Variants in DOCK2 observed in about 807,000 individuals in gnomAD.
DOCK2 encodes the protein dedicator of cytokinesis 2, also known as dedicator of cytokinesis protein 2.
In DOCK2, 87 loss-of-function variants were observed where a neutral mutation model predicts 248.9. That is an observed-to-expected ratio of 0.35 (90% CI 0.29 to 0.42). The LOEUF (loss-of-function observed/expected upper bound fraction) is 0.42. Ranked by LOEUF, DOCK2 falls within the 10% of genes least tolerant of loss-of-function variation. The probability of loss-of-function intolerance (pLI) is 1.00; values close to 1 mark genes in which losing one functional copy is unlikely to be tolerated. For missense variants in DOCK2, 1,747 were observed against 2,300.2 expected (o/e 0.76, Z 4.92); for synonymous variants, 805 against 821.6 (o/e 0.98, Z 0.35).
At chr5:169,912,750 A>G (rs1774674083) in intron 27 of DOCK2, among the ~76,000 whole-genome samples, 1 of 152,114 alleles carries the variant, frequency 6.6e-6, no homozygotes, top group Non-Finnish European at 1.5e-5. Context: ...AGTTTTTGGT[A>G]AAGAAAGGAG....
At chr5:169,899,684 G>A (rs1773810130) in intron 27 of DOCK2, among the ~76,000 whole-genome samples, 1 of 152,098 alleles carries the variant, frequency 6.6e-6, no homozygotes, top group African/African-American at 2.4e-5. Flanking sequence ...CGTTTTGTTG[G>A]GAGATGGTAT....
chr5:169,649,537 A>G (rs902271374), intron 1 of DOCK2, among the ~76,000 whole-genome samples: 8 of 152,238 alleles, frequency 5.3e-5, no homozygotes, highest in African/African-American at 1.7e-4. Flanking sequence ...TCAACAAGAT[A>G]GGCTCAGTCT....
chr5:169,685,505 G>A (rs1356648430), intron 8 of DOCK2, among the ~76,000 whole-genome samples: 1 of 152,200 alleles, frequency 6.6e-6, no homozygotes, highest in Non-Finnish European at 1.5e-5. Context: ...CTGCAGGCAT[G>A]CGCCACCACG....
At chr5:169,697,726 G>A (rs999257279) in intron 10 of DOCK2, among the ~76,000 whole-genome samples, 36 of 152,232 alleles carry the variant, frequency 2.4e-4, no homozygotes, top group African/African-American at 7.7e-4. Flanking sequence ...AGTGTTTGAC[G>A]TATTTTCTGT....
chr5:169,644,259 T>C (rs1757323233), intron 1 of DOCK2, among the ~76,000 whole-genome samples: 1 of 151,988 alleles, frequency 6.6e-6, no homozygotes, highest in Non-Finnish European at 1.5e-5. Context: ...AACATAGCAG[T>C]TTTATGGTGC....
chr5:169,637,334 C>T lies in DOCK2; in HGVS notation c.8C>T (p.Pro3Leu), dbSNP rs1581352915. The T allele has an allele frequency of 1.4e-6, 2 of 1,425,702 alleles. No homozygotes were observed. Among genetic ancestry groups the T allele is most frequent in the African/African-American group, 1.5e-5 (1 of 67,442 alleles). The allele number at this position is 1,425,702 out of a possible 1,614,324, so 88.3% of individuals were successfully genotyped here. Residue 3 changes from proline (P) to leucine (L), a missense_variant, in exon 1 of 52, where the codon CCC (proline) becomes CTC (leucine). By Grantham distance (98) the Pro-to-Leu change is moderately conservative. Transcript: ENST00000520908. MA[P>L]WRKADKERHG... ...CGAGGCCCCGGCCCAGCCATGGCCC[C>T]CTGGCGCAAAGCTGACAAGGAGCGG...
intron 27 of DOCK2, among the ~76,000 whole-genome samples, chr5:169,977,420 A>G (rs1338098014): frequency 1.3e-5 from 2 of 152,200 alleles, no homozygotes; most frequent in African/African-American, 4.8e-5. Flanking sequence ...ACAAGACAAT[A>G]CTAATAATAG....
At chr5:169,829,287 A>G (rs1242434096) in intron 26 of DOCK2, among the ~76,000 whole-genome samples, 5 of 152,190 alleles carry the variant, frequency 3.3e-5, no homozygotes, top group Non-Finnish European at 5.9e-5. Flanking sequence ...TTGTCTCTCA[A>G]AAAAGCGGCA....
chr5:170,002,681 C>T (rs1225606734), intron 30 of DOCK2, among the ~76,000 whole-genome samples: 1 of 152,078 alleles, frequency 6.6e-6, no homozygotes, highest in Admixed American at 6.6e-5. Context: ...TGGTCTTTTA[C>T]CTTATCTGGA....
Position 169,764,480 on chromosome 5 carries a change from C to A in DOCK2, c.2554+2855C>A, listed in dbSNP as rs1051968331. ...GTGTGACTATGGGTAATTTTCTAAA[C>A]CTCTCTGATTCTCAGTAAGCTCATC... On this transcript the variant is annotated intron_variant, in intron 25 of 51. Transcript: ENST00000520908. This position sits in a 1 kb window ranked among gnomAD's most constrained non-coding sequence, Gnocchi z 4.3. Among the ~76,000 whole-genome samples the A allele has an allele frequency of 6.6e-6, 1 of 152,164 alleles. No individual in the cohort carries two copies. The highest frequency in any genetic ancestry group is 1.5e-5 in the Non-Finnish European group (1 of 68,028).
At chr5:170,013,737 G>A (rs1015447940) in intron 32 of DOCK2, among the ~76,000 whole-genome samples, 1 of 152,118 alleles carries the variant, frequency 6.6e-6, no homozygotes, top group Non-Finnish European at 1.5e-5. Flanking sequence ...CAAAATAAAT[G>A]TGTACTGTTT....
intron 27 of DOCK2, among the ~76,000 whole-genome samples, chr5:169,899,635 C>G (rs1024834457): frequency 6.6e-6 from 1 of 152,068 alleles, no homozygotes; most frequent in African/African-American, 2.4e-5. Flanking sequence ...TGCTTTTGTT[C>G]GATGTTAGTG....
chr5:169,712,181 G>A lies in DOCK2; in HGVS notation c.1617G>A (p.Gly539=), dbSNP rs765110983. The change falls in exon 17 of 52, where the codon GGG becomes GGA. Residue 539 remains glycine (G), a synonymous_variant. Coordinates refer to ENST00000520908, the MANE Select transcript of DOCK2 (RefSeq NM_004946.3). ...ATGTGAAGCTGATGAAAGAAGATGG[G>A]ACTACTCTACACGATGGATTCCATG... ...MSYVKLMKED[G]TTLHDGFHDL... 1 of 1,614,096 alleles carries A rather than the reference G, an allele frequency of 6.2e-7. No homozygotes were observed. Among genetic ancestry groups the A allele is most frequent in the African/African-American group, 1.3e-5 (1 of 75,042 alleles).
chr5:169,817,923 A>AT (rs1237487853), intron 26 of DOCK2, among the ~76,000 whole-genome samples: 1 of 152,198 alleles, frequency 6.6e-6, no homozygotes, highest in African/African-American at 2.4e-5. Flanking sequence ...CACTAATTTT[A>AT]TTTTTTATAC....
At chr5:169,792,105 G>A (rs1474590271) in intron 25 of DOCK2, among the ~76,000 whole-genome samples, 1 of 152,194 alleles carries the variant, frequency 6.6e-6, no homozygotes, top group Non-Finnish European at 1.5e-5. Flanking sequence ...TCTGTATGGT[G>A]TGATGTAAAT....
chr5:170,015,479 G>A (rs112628195), intron 32 of DOCK2, among the ~76,000 whole-genome samples: 185 of 152,318 alleles, frequency 1.2e-3, no homozygotes, highest in African/African-American at 4.2e-3. Context: ...AGCATTGCCA[G>A]GAGGGAGCTT....
chr5:170,039,018 G>C (rs954693923), intron 36 of DOCK2, among the ~76,000 whole-genome samples: 1 of 152,226 alleles, frequency 6.6e-6, no homozygotes, highest in African/African-American at 2.4e-5. Flanking sequence ...TTGGCAGAAC[G>C]TTAGGCGGGA....
intron 22 of DOCK2, among the ~76,000 whole-genome samples, chr5:169,737,523 T>G (rs1413783849): frequency 2.0e-5 from 3 of 152,186 alleles, no homozygotes; most frequent in Non-Finnish European, 4.4e-5. Flanking sequence ...ATGAGTTGAC[T>G]GAAGCCTGGA....
intron 30 of DOCK2, among the ~76,000 whole-genome samples, chr5:170,001,145 T>C (rs76348152): frequency 0.016 from 2,433 of 152,232 alleles, 68 homozygotes; most frequent in African/African-American, 0.054. Flanking sequence ...ACCTGGGACC[T>C]TCCACTCCCC....
Sources: allele counts gnomAD v4.1 joint callset (sites outside exome capture counted in the v4.1 genomes callset), GRCh38; gene constraint gnomAD v4.1.1; non-coding constraint Gnocchi (gnomAD v3.1); transcripts MANE v1.5; gene names NCBI Gene and HGNC (gene_info 2026-07-23, HGNC 2026-07-21).